OPCML: variants seen among roughly 807,000 people sequenced by gnomAD.
The protein encoded by OPCML is opioid-binding protein/cell adhesion molecule.
Under a neutral mutation model 37.8 loss-of-function variants are expected in OPCML, and 13 were observed. That is an observed-to-expected ratio of 0.34 (90% CI 0.22 to 0.55). The LOEUF is 0.55. Among genes scored for constraint, OPCML ranks in the 20% least tolerant of loss-of-function variants. OPCML has a pLI of 0.91. For missense variants in OPCML, 341 were observed against 435.6 expected, an observed-to-expected ratio of 0.78 and a Z score of 1.93; for synonymous variants, 176 against 168.8, an observed-to-expected ratio of 1.04 and a Z score of -0.33.
chr11:133,460,387 A>T (rs766782284), intron 1 of OPCML, among the ~76,000 whole-genome samples: 1 of 151,924 alleles, frequency 6.6e-6, no homozygotes, highest in African/African-American at 2.4e-5. Flanking sequence ...ACAAATTTTT[A>T]AAAAGACAAT....
At chr11:133,016,706 A>G (rs564881888) in intron 1 of OPCML, among the ~76,000 whole-genome samples, 1 of 152,316 alleles carries the variant, frequency 6.6e-6, no homozygotes, top group East Asian at 1.9e-4. Context: ...AGTGTGTACC[A>G]CAGTTAATAA....
chr11:133,405,572 C>A (rs1203427308), intron 1 of OPCML, among the ~76,000 whole-genome samples: 3 of 152,188 alleles, frequency 2.0e-5, no homozygotes, highest in Non-Finnish European at 4.4e-5. Flanking sequence ...TGTCTTCATG[C>A]AAATCTGCTG....
intron 1 of OPCML, among the ~76,000 whole-genome samples, chr11:133,139,918 G>A (rs990123936): frequency 1.3e-5 from 2 of 152,118 alleles, no homozygotes; most frequent in African/African-American, 4.8e-5. Flanking sequence ...CAGGCGCGGT[G>A]GCTCACTCCT....
At chr11:133,076,182 C>G (rs1411287150) in intron 1 of OPCML, among the ~76,000 whole-genome samples, 2 of 151,926 alleles carry the variant, frequency 1.3e-5, no homozygotes, top group Non-Finnish European at 2.9e-5. Context: ...ACTTCATTTA[C>G]TTAATATTTT....
chr11:132,740,179 T>C (rs1057328954), intron 2 of OPCML, among the ~76,000 whole-genome samples: 1 of 152,232 alleles, frequency 6.6e-6, no homozygotes, highest in Non-Finnish European at 1.5e-5. Context: ...TTATTCTTAC[T>C]ACCTGCATTT....
intron 1 of OPCML, among the ~76,000 whole-genome samples, chr11:133,481,449 A>AAAT (rs1947369615): frequency 2.7e-5 from 4 of 148,822 alleles, no homozygotes; most frequent in Admixed American, 2.7e-4. Flanking sequence ...TTAAAAAAAT[A>AAAT]AATAAATAAA....
intron 1 of OPCML, among the ~76,000 whole-genome samples, chr11:133,234,316 T>C (rs186289208): frequency 1.0e-3 from 155 of 152,242 alleles, no homozygotes; most frequent in African/African-American, 3.5e-3. Flanking sequence ...ACCTCTGGTC[T>C]CTGGAAATGG....
intron 2 of OPCML, among the ~76,000 whole-genome samples, chr11:132,857,097 C>T (rs368231501): frequency 2.0e-5 from 3 of 152,182 alleles, no homozygotes; most frequent in Middle Eastern, 3.2e-3. Context: ...TTTACATTCA[C>T]ACCAGCAATG....
chr11:133,102,927 T>G (rs1949107436), intron 1 of OPCML, among the ~76,000 whole-genome samples: 1 of 152,098 alleles, frequency 6.6e-6, no homozygotes, highest in Admixed American at 6.5e-5. Flanking sequence ...CTAGGAACTG[T>G]ATCAGGTTCT....
chr11:132,955,661 A>G (rs1945962369), intron 1 of OPCML, among the ~76,000 whole-genome samples: 1 of 152,122 alleles, frequency 6.6e-6, no homozygotes, highest in African/African-American at 2.4e-5. Context: ...AGGCAGGCGG[A>G]TCATGAGGTC....
At chr11:132,986,569 T>C (rs1591881793) in intron 1 of OPCML, among the ~76,000 whole-genome samples, 1 of 152,184 alleles carries the variant, frequency 6.6e-6, no homozygotes, top group African/African-American at 2.4e-5. Flanking sequence ...ATAGGTGACC[T>C]ACTCAATAAA....
intron 3 of OPCML, among the ~76,000 whole-genome samples, chr11:132,650,091 G>A (rs539948162): frequency 2.0e-4 from 31 of 152,250 alleles, no homozygotes; most frequent in South Asian, 4.2e-4. Flanking sequence ...GTGGGTTGTG[G>A]AGGTTACAAA....
intron 1 of OPCML, among the ~76,000 whole-genome samples, chr11:133,505,474 T>C (rs1948006934): frequency 2.0e-5 from 3 of 152,212 alleles, no homozygotes; most frequent in African/African-American, 7.2e-5. Flanking sequence ...CAAATGCACC[T>C]GTCTTCCTCC....
chr11:133,358,398 TTCAC>T (rs1370756323), intron 1 of OPCML, among the ~76,000 whole-genome samples: 1 of 152,214 alleles, frequency 6.6e-6, no homozygotes, highest in Non-Finnish European at 1.5e-5. Flanking sequence ...TGCCATGATC[TTCAC>T]CCCAACTATT....
intron 1 of OPCML, among the ~76,000 whole-genome samples, chr11:133,240,523 T>C (rs143199773): frequency 1.3e-3 from 194 of 152,308 alleles, no homozygotes; most frequent in African/African-American, 4.5e-3. Context: ...ATCCCCATCA[T>C]GGACCACAAC....
intron 3 of OPCML, among the ~76,000 whole-genome samples, chr11:132,535,854 A>G (rs1002727404): frequency 6.6e-6 from 1 of 151,682 alleles, no homozygotes; most frequent in African/African-American, 2.4e-5. Flanking sequence ...TATGGGTAAA[A>G]CTCTGAGCTC....
intron 1 of OPCML, among the ~76,000 whole-genome samples, chr11:132,959,565 G>C (rs1405683814): frequency 6.6e-6 from 1 of 152,186 alleles, no homozygotes; most frequent in Non-Finnish European, 1.5e-5. Flanking sequence ...CACAGTGCAA[G>C]GGATTAGATG....
rs1287684905 is a variant in OPCML, at chr11:132,895,225, A to G, written c.146+47701T>C. On this transcript the variant is annotated intron_variant, in intron 2 of 7. Coordinates refer to ENST00000524381, the MANE Select transcript of OPCML (RefSeq NM_001012393.5). ...ATTTGGTACTTTTAATTCACCACTT[A>G]TAAGAGACAAGAAACTTGGTGACTT... Among the ~76,000 whole-genome samples the G allele has an allele frequency of 2.6e-5, 4 of 152,232 alleles. No individual in the cohort carries two copies. The East Asian group carries it at 7.7e-4, about 29-fold the overall frequency.
chr11:133,023,039 G>A (rs760599473), intron 1 of OPCML, among the ~76,000 whole-genome samples: 2 of 152,180 alleles, frequency 1.3e-5, no homozygotes, highest in African/African-American at 4.8e-5. Context: ...CATCTTCATT[G>A]TTTGGAAGGG....
Sources: gnomAD v4.1 joint callset for allele counts (sites outside exome capture counted in the v4.1 genomes callset) on GRCh38, gnomAD v4.1.1 for gene constraint, MANE v1.5 for transcripts, NCBI Gene and HGNC (gene_info 2026-07-23, HGNC 2026-07-21) for gene names.